FAM184A: variants seen among roughly 807,000 people sequenced by gnomAD.
The protein encoded by FAM184A is protein FAM184A.
In FAM184A, 99 loss-of-function variants were observed where a neutral mutation model predicts 143.8. That is an observed-to-expected ratio of 0.69 (90% CI 0.58 to 0.81). FAM184A has a LOEUF of 0.81. Among genes scored for constraint, FAM184A ranks in the 40% least tolerant of loss-of-function variants. The pLI, the probability that FAM184A is intolerant of heterozygous loss-of-function variation, is 0.00. For missense variants in FAM184A, 1,217 were observed against 1,310.5 expected (o/e 0.93, Z 1.10); for synonymous variants, 427 against 446.4 (o/e 0.96, Z 0.55).
intron 1 of FAM184A, among the ~76,000 whole-genome samples, chr6:119,051,156 A>AAAAG (rs75279178): frequency 0.85 from 129,819 of 151,870 alleles, 55,615 homozygotes; most frequent in East Asian, 0.96. Context: ...AAAGTTTAAA[A>AAAAG]AAAGAAAATG....
chr6:119,017,715 ATTTTT>A (rs1276145555), intron 4 of FAM184A, among the ~76,000 whole-genome samples: 3 of 152,154 alleles, frequency 2.0e-5, no homozygotes, highest in African/African-American at 7.2e-5. Context: ...ACAGGTTTGG[ATTTTT>A]TTGTCTCCAC....
chr6:119,030,570 T>G (rs939942438), intron 1 of FAM184A, among the ~76,000 whole-genome samples: 33 of 152,122 alleles, frequency 2.2e-4, no homozygotes, highest in African/African-American at 7.7e-4. Flanking sequence ...GCAGCACCAT[T>G]GATATAAGAT....
At chr6:119,112,934 G>A (rs1225396715) in intron 1 of FAM184A, among the ~76,000 whole-genome samples, 1 of 152,154 alleles carries the variant, frequency 6.6e-6, no homozygotes, top group Non-Finnish European at 1.5e-5. Flanking sequence ...CCATAAAAGG[G>A]CACTTACAGT....
intron 1 of FAM184A, among the ~76,000 whole-genome samples, chr6:119,130,592 T>A (rs1052872281): frequency 6.6e-6 from 1 of 152,124 alleles, no homozygotes; most frequent in Admixed American, 6.5e-5. Context: ...CCAAGTGATA[T>A]AAAAAAATTA....
At chr6:119,056,628 A>G (rs924601496) in intron 1 of FAM184A, among the ~76,000 whole-genome samples, 4 of 152,208 alleles carry the variant, frequency 2.6e-5, no homozygotes, top group Non-Finnish European at 5.9e-5. Flanking sequence ...CATGTAACCT[A>G]CTAGGAACTT....
At chr6:119,021,015 A>C (rs537804633) in intron 3 of FAM184A, among the ~76,000 whole-genome samples, 1 of 152,194 alleles carries the variant, frequency 6.6e-6, no homozygotes, top group Non-Finnish European at 1.5e-5. Context: ...TCTCATAGAA[A>C]GGATAGTTTA....
At chr6:118,962,024 A>G (rs1486678831) in intron 16 of FAM184A, 61 bp from the exon 17 acceptor site, 1 of 1,530,324 alleles carries the variant, frequency 6.5e-7, no homozygotes, top group South Asian at 1.1e-5. Flanking sequence ...AGAAAATAGG[A>G]ATGGTAGAAG....
rs768796855 is a variant in FAM184A at position 119,003,579 on chromosome 6, G to A, written c.1859C>T (p.Ala620Val). Residue 620 changes from alanine (A) to valine (V), a missense_variant, in exon 8 of 18, where the codon GCT becomes GTT. Ala to Val is a moderately conservative substitution (Grantham distance 64). Transcript: ENST00000338891. ...QERQQHEETI[A>V]AMKEEEKLKV... Reference sequence around the variant, plus strand: ...GAGCTTCTCTTCTTCTTTCATGGCAGCAATTGTTTCTTCATGCTGTTGCCT... The same window carrying A: ...GAGCTTCTCTTCTTCTTTCATGGCAACAATTGTTTCTTCATGCTGTTGCCT... 1 of 1,612,212 alleles carries A rather than the reference G, an allele frequency of 6.2e-7. No individual in the cohort carries two copies. Among genetic ancestry groups the A allele is most frequent in the Non-Finnish European group, 8.5e-7 (1 of 1,179,026 alleles).
intron 1 of FAM184A, among the ~76,000 whole-genome samples, chr6:119,144,333 CAAAAAAAAAAAA>C (rs555955754): frequency 3.8e-5 from 3 of 77,994 alleles, no homozygotes; most frequent in Non-Finnish European, 5.8e-5. Context: ...GACTCTGACT[CAAAAAAAAAAAA>C]AAAAAAAGAA....
chr6:119,055,450 T>G lies in FAM184A; in HGVS notation c.159+22691A>C, dbSNP rs954806261. On this transcript the variant is annotated intron_variant, in intron 1 of 17. Coordinates refer to ENST00000338891, the MANE Select transcript of FAM184A (RefSeq NM_024581.6). The stretch of plus-strand genomic sequence containing the variant: ...GTCATGTGGTAACTGTTTAACCTTT[T>G]GAGAAATTGCCAAACTGTTTACCAA... Among the ~76,000 whole-genome samples, 4 of 152,208 alleles carry G rather than the reference T, an allele frequency of 2.6e-5. No homozygotes were observed. In the East Asian group the frequency reaches 7.7e-4, roughly 29 times the overall value.
intron 1 of FAM184A, among the ~76,000 whole-genome samples, chr6:119,102,577 C>G (rs1346113032): frequency 1.3e-5 from 2 of 151,708 alleles, no homozygotes; most frequent in Non-Finnish European, 2.9e-5. Context: ...CACCTGAGGT[C>G]AGGAGTTTGA....
intron 1 of FAM184A, among the ~76,000 whole-genome samples, chr6:119,118,289 A>G (rs1185039331): frequency 6.6e-6 from 1 of 152,260 alleles, no homozygotes; most frequent in Non-Finnish European, 1.5e-5. Context: ...GAGCATAAAA[A>G]TCACTGATCT....
At chr6:118,977,545 A>T (rs1783883417) in intron 11 of FAM184A, among the ~76,000 whole-genome samples, 1 of 152,294 alleles carries the variant, frequency 6.6e-6, no homozygotes, top group Admixed American at 6.5e-5. Flanking sequence ...ACACCACTGC[A>T]TTCTTAACCT....
chr6:119,061,757 G>A (rs973662723), intron 1 of FAM184A, among the ~76,000 whole-genome samples: 6 of 151,968 alleles, frequency 3.9e-5, no homozygotes, highest in African/African-American at 1.2e-4. Flanking sequence ...TTATAAAAAC[G>A]TGATGAGAGA....
intron 3 of FAM184A, among the ~76,000 whole-genome samples, chr6:119,022,053 CTTTTTTTTT>C (rs34128659): frequency 2.6e-4 from 22 of 84,392 alleles, no homozygotes; most frequent in Non-Finnish European, 3.7e-4. Flanking sequence ...TTCGTTCTTT[CTTTTTTTTT>C]TTTTTTTTTT....
intron 1 of FAM184A, among the ~76,000 whole-genome samples, chr6:119,097,497 T>C (rs1481385651): frequency 1.3e-5 from 2 of 152,090 alleles, no homozygotes; most frequent in Non-Finnish European, 2.9e-5. Flanking sequence ...GTACAAGCAG[T>C]TTATTTGGGA....
chr6:118,989,364 ATTT>A (rs1784293092), intron 9 of FAM184A, among the ~76,000 whole-genome samples: 2 of 151,912 alleles, frequency 1.3e-5, no homozygotes, highest in South Asian at 4.2e-4. Context: ...CAATCACCTC[ATTT>A]TTTACCTTCC....
intron 1 of FAM184A, among the ~76,000 whole-genome samples, chr6:119,112,455 T>A (rs1048319620): frequency 6.6e-6 from 1 of 152,208 alleles, no homozygotes; most frequent in African/African-American, 2.4e-5. Flanking sequence ...AAATTGAACG[T>A]GCCATGACTT....
Position 118,976,045 on chromosome 6 carries a change from C to G in FAM184A, c.2456-1G>C. Reference sequence around the variant, plus strand: ...TGGTTGAGTTCTGAGCGCAAGGAAGCTGGAATTGCAAGGCAAAAATACATT... The same window carrying G: ...TGGTTGAGTTCTGAGCGCAAGGAAGGTGGAATTGCAAGGCAAAAATACATT... On this transcript the variant is annotated splice_acceptor_variant, in intron 11 of 17. Coordinates refer to ENST00000338891, the MANE Select transcript of FAM184A (RefSeq NM_024581.6). LOFTEE classifies it high-confidence loss of function. 6.2e-7 allele frequency: 1 copy of G among 1,609,108 alleles called. No homozygotes were observed. Among genetic ancestry groups the G allele is most frequent in the Non-Finnish European group, 8.5e-7 (1 of 1,178,796 alleles).
Sources: allele counts gnomAD v4.1 joint callset (sites outside exome capture counted in the v4.1 genomes callset), GRCh38; gene constraint gnomAD v4.1.1; transcripts MANE v1.5; gene names NCBI Gene and HGNC (gene_info 2026-07-23, HGNC 2026-07-21).